OSBPL11: variants seen among roughly 807,000 people sequenced by gnomAD.
OSBPL11 encodes the protein oxysterol binding protein like 11.
Under a neutral mutation model 84.4 loss-of-function variants are expected in OSBPL11, and 33 were observed. The ratio of observed to expected loss-of-function variants is 0.39; its 90% CI spans 0.30 to 0.52. The LOEUF (loss-of-function observed/expected upper bound fraction) is 0.52, where lower values mean the gene tolerates loss of function less well. Among genes scored for constraint, OSBPL11 ranks in the 20% least tolerant of loss-of-function variants. The pLI is 0.72. For synonymous variants in OSBPL11, 276 were observed against 310.2 expected (o/e 0.89, Z 1.16); for missense variants, 736 against 901.1 (o/e 0.82, Z 2.35).
intron 9 of OSBPL11, among the ~76,000 whole-genome samples, chr3:125,549,090 C>T (rs1442438571): frequency 6.6e-6 from 1 of 151,760 alleles, no homozygotes; most frequent in Non-Finnish European, 1.5e-5. Context: ...GGCACGACCT[C>T]AGCTCAATGT....
chr3:125,547,685 G>A (rs1935840345), intron 9 of OSBPL11, 93 bp from the exon 10 acceptor site: 1 of 973,532 alleles, frequency 1.0e-6, no homozygotes, highest in Admixed American at 2.9e-5. Context: ...TAGTAAATAA[G>A]CATCATTATT....
chr3:125,580,206 G>A (rs1936401534), intron 2 of OSBPL11, among the ~76,000 whole-genome samples, 166 bp from the exon 3 acceptor site: 1 of 152,110 alleles, frequency 6.6e-6, no homozygotes, highest in South Asian at 2.1e-4. Flanking sequence ...TTCCAGCAGG[G>A]AAGATTACTA....
chr3:125,537,121 C>A (rs1463156285), intron 11 of OSBPL11, among the ~76,000 whole-genome samples: 3 of 148,488 alleles, frequency 2.0e-5, no homozygotes, highest in African/African-American at 5.0e-5. Flanking sequence ...GATCGCCCGA[C>A]CACACTCCAG....
At chr3:125,578,832 TTATACGTATATAC>T in intron 4 of OSBPL11, 115 bp downstream of exon 4, 1 of 474,492 alleles carries the variant, frequency 2.1e-6, no homozygotes, top group African/African-American at 2.0e-5. Flanking sequence ...AACCACAGGA[TTATACGTATATAC>T]TTTAAAAGGG....
intron 1 of OSBPL11, among the ~76,000 whole-genome samples, chr3:125,593,634 A>C (rs1252837552): frequency 1.3e-5 from 2 of 152,020 alleles, no homozygotes; most frequent in East Asian, 1.9e-4. Context: ...AAAAAAAAAA[A>C]ATTATAATCT....
At chr3:125,560,614 A>G (rs1936062158) in intron 7 of OSBPL11, 95 bp from the exon 8 acceptor site, 1 of 1,174,332 alleles carries the variant, frequency 8.5e-7, no homozygotes, top group African/African-American at 1.6e-5. Context: ...AGACATTTGT[A>G]TTTGACCTAA....
intron 11 of OSBPL11, among the ~76,000 whole-genome samples, chr3:125,534,474 T>C (rs1313101340): frequency 2.0e-5 from 3 of 150,984 alleles, no homozygotes; most frequent in East Asian, 3.9e-4. Flanking sequence ...TCATACAAAG[T>C]ATATTCTTTC....
At chr3:125,585,078 A>G (rs1559848377) in intron 1 of OSBPL11, among the ~76,000 whole-genome samples, 1 of 152,104 alleles carries the variant, frequency 6.6e-6, no homozygotes, top group South Asian at 2.1e-4. Context: ...CAAATTTTTT[A>G]AAGTGTACAA....
At chr3:125,587,952 T>C (rs1368385861) in intron 1 of OSBPL11, among the ~76,000 whole-genome samples, 4 of 152,156 alleles carry the variant, frequency 2.6e-5, no homozygotes, top group South Asian at 2.1e-4. Context: ...CCAGGCACAG[T>C]GGCTCATGCC....
chr3:125,546,968 A>G (rs1203822863), intron 10 of OSBPL11, among the ~76,000 whole-genome samples: 1 of 152,206 alleles, frequency 6.6e-6, no homozygotes, highest in Non-Finnish European at 1.5e-5. Context: ...TATCACTGCA[A>G]GTTGCTTCCA....
intron 10 of OSBPL11, among the ~76,000 whole-genome samples, chr3:125,547,180 T>A (rs1935832393): frequency 6.6e-6 from 1 of 152,244 alleles, no homozygotes; most frequent in African/African-American, 2.4e-5. Context: ...TAAAGCTCAC[T>A]AGTTACTTCA....
intron 9 of OSBPL11, among the ~76,000 whole-genome samples, chr3:125,551,652 G>A (rs541545549): frequency 2.0e-5 from 3 of 151,660 alleles, no homozygotes; most frequent in Admixed American, 6.6e-5. Flanking sequence ...GGTGGCAGGC[G>A]CCATAATCCC....
chr3:125,588,480 C>T (rs890027797), intron 1 of OSBPL11, among the ~76,000 whole-genome samples: 1 of 152,108 alleles, frequency 6.6e-6, no homozygotes, highest in Non-Finnish European at 1.5e-5. Flanking sequence ...TATATATCTA[C>T]CTATTGGTTC....
Position 125,530,468 on chromosome 3 carries a change from G to T in OSBPL11, c.*47C>A. ...ATGACTCCATTCTGGGAGGATTTAGGGTAAACAGAGAAGAACCTCATTTGG... is the reference window on the plus strand; with the variant it reads ...ATGACTCCATTCTGGGAGGATTTAGTGTAAACAGAGAAGAACCTCATTTGG... On this transcript the variant is annotated 3_prime_UTR_variant, in exon 13 of 13. Coordinates refer to ENST00000296220, the MANE Select transcript of OSBPL11 (RefSeq NM_022776.5). 3.9e-6 allele frequency: 6 copies of T among 1,533,566 alleles called. No homozygotes were observed. Among genetic ancestry groups the T allele is most frequent in the Non-Finnish European group, 5.4e-6 (6 of 1,107,112 alleles). 95.0% of individuals were successfully genotyped at this position (1,533,566 alleles called of 1,614,324 possible).
intron 7 of OSBPL11, among the ~76,000 whole-genome samples, chr3:125,561,890 T>G (rs971185145): frequency 2.6e-5 from 4 of 152,222 alleles, no homozygotes; most frequent in Non-Finnish European, 5.9e-5. Flanking sequence ...ATCCCTACCT[T>G]ACCGATGAGG....
chr3:125,574,403 A>T (rs1936288908), intron 5 of OSBPL11, among the ~76,000 whole-genome samples: 1 of 152,102 alleles, frequency 6.6e-6, no homozygotes, highest in East Asian at 1.9e-4. Flanking sequence ...CATATAAAGC[A>T]CTTCTGTTGC....
chr3:125,549,178 T>C (rs1935864372), intron 9 of OSBPL11, among the ~76,000 whole-genome samples: 1 of 152,128 alleles, frequency 6.6e-6, no homozygotes, highest in Non-Finnish European at 1.5e-5. Context: ...CCTGCTACTA[T>C]GCCTGGCTAC....
intron 1 of OSBPL11, among the ~76,000 whole-genome samples, chr3:125,585,489 T>A (rs778239609): frequency 1.3e-5 from 2 of 151,870 alleles, no homozygotes; most frequent in African/African-American, 2.4e-5. Flanking sequence ...AATTTTCTAA[T>A]GTTATTAATA....
chr3:125,539,331 AT>A lies in OSBPL11; in HGVS notation c.1842-699del, dbSNP rs1173236222. ...TATATATATATATATATATATATAT[AT>A]ATATATATATATAATAGCTATATAT... On this transcript the variant is annotated intron_variant, in intron 10 of 12. Coordinates refer to ENST00000296220, the MANE Select transcript of OSBPL11 (RefSeq NM_022776.5). Among the ~76,000 whole-genome samples the A allele has an allele frequency of 1.7e-3, 205 of 121,510 alleles. 3 individuals are homozygous for A. The highest frequency in any genetic ancestry group is 7.7e-3 in the African/African-American group (195 of 25,388). 79.7% of individuals were successfully genotyped at this position (121,510 alleles called of 152,430 possible). A position where few individuals can be genotyped will look rare whatever the true frequency, so the allele number is the denominator to read the frequency against.
Sources: allele counts gnomAD v4.1 joint callset (sites outside exome capture counted in the v4.1 genomes callset), GRCh38; gene constraint gnomAD v4.1.1; transcripts MANE v1.5; gene names NCBI Gene and HGNC (gene_info 2026-07-23, HGNC 2026-07-21).